Variants in NRG1 observed in about 807,000 individuals in gnomAD.
NRG1 encodes pro-neuregulin-1, membrane-bound isoform.
NRG1 carries 18 observed loss-of-function variants against 63.8 expected under a neutral mutation model. That is an observed-to-expected ratio of 0.28 (90% CI 0.19 to 0.42). The LOEUF (loss-of-function observed/expected upper bound fraction) is 0.42. NRG1 is among the 10% of genes least tolerant of loss of function. The pLI, the probability that NRG1 is intolerant of heterozygous loss-of-function variation, is 1.00. For synonymous variants in NRG1, 302 were observed against 301.3 expected, an observed-to-expected ratio of 1.00 and a Z score of -0.02; for missense variants, 762 against 814.7, an observed-to-expected ratio of 0.94 and a Z score of 0.79.
intron 1 of NRG1, among the ~76,000 whole-genome samples, chr8:32,099,006 G>A (rs1830226405): frequency 6.6e-6 from 1 of 152,162 alleles, no homozygotes; most frequent in Non-Finnish European, 1.5e-5. Flanking sequence ...CAGTGGCACA[G>A]GAGTAAAGAG....
intron 1 of NRG1, among the ~76,000 whole-genome samples, chr8:32,295,129 G>A (rs2129474432): frequency 6.6e-6 from 1 of 152,170 alleles, no homozygotes; most frequent in African/African-American, 2.4e-5. Context: ...TAATTATTTA[G>A]GGATAGTATA....
intron 1 of NRG1, among the ~76,000 whole-genome samples, chr8:32,094,372 C>T (rs1317951109): frequency 6.6e-6 from 1 of 152,186 alleles, no homozygotes; most frequent in Non-Finnish European, 1.5e-5. Context: ...CCAAATACCA[C>T]TTTTGCCCAG....
intron 1 of NRG1, among the ~76,000 whole-genome samples, chr8:31,682,361 A>G (rs1193723939): frequency 6.6e-6 from 1 of 152,116 alleles, no homozygotes; most frequent in Non-Finnish European, 1.5e-5. Flanking sequence ...CACCATTCCA[A>G]TCTGTAGAAT....
intron 1 of NRG1, among the ~76,000 whole-genome samples, chr8:31,867,931 A>G (rs1344149578): frequency 6.6e-6 from 1 of 152,066 alleles, no homozygotes. Flanking sequence ...AATTTGGCCA[A>G]CTGTATTGGA....
At chr8:32,048,813 G>A (rs1260525315) in intron 1 of NRG1, among the ~76,000 whole-genome samples, 2 of 151,784 alleles carry the variant, frequency 1.3e-5, no homozygotes, top group Non-Finnish European at 2.9e-5. Context: ...TTTTAATCGG[G>A]TTGTTTTGTT....
At chr8:31,824,359 AT>A (rs1824328254) in intron 1 of NRG1, among the ~76,000 whole-genome samples, 1 of 152,048 alleles carries the variant, frequency 6.6e-6, no homozygotes, top group African/African-American at 2.4e-5. Context: ...TGAACTCATC[AT>A]TTTTTATGGC....
chr8:32,331,660 A>C (rs1586868146), intron 1 of NRG1, among the ~76,000 whole-genome samples: 1 of 152,236 alleles, frequency 6.6e-6, no homozygotes, highest in African/African-American at 2.4e-5. Context: ...TTACATCACA[A>C]TGCAAATAAA....
intron 5 of NRG1, chr8:32,648,398 G>T (rs1288455404): frequency 6.2e-7 from 1 of 1,609,842 alleles, no homozygotes; most frequent in East Asian, 2.2e-5. Flanking sequence ...AGTAGAGAGA[G>T]AGAGAGAGAC....
intron 1 of NRG1, among the ~76,000 whole-genome samples, chr8:31,925,831 A>G (rs1834318159): frequency 6.6e-6 from 1 of 152,194 alleles, no homozygotes; most frequent in Admixed American, 6.5e-5. Flanking sequence ...TTTCACTGGT[A>G]AAATTATCTG....
At chr8:32,232,449 A>G (rs1847057276) in intron 1 of NRG1, among the ~76,000 whole-genome samples, 1 of 152,166 alleles carries the variant, frequency 6.6e-6, no homozygotes, top group African/African-American at 2.4e-5. Context: ...TCAATTCCTA[A>G]AAATTGGACC....
intron 1 of NRG1, among the ~76,000 whole-genome samples, chr8:31,999,050 T>A (rs1812494992): frequency 6.6e-6 from 1 of 151,892 alleles, no homozygotes; most frequent in Non-Finnish European, 1.5e-5. Context: ...TAGTTCTTTT[T>A]TTTTTCTTTT....
intron 6 of NRG1, among the ~76,000 whole-genome samples, chr8:32,738,261 G>A (rs1276723579): frequency 1.3e-5 from 2 of 151,984 alleles, no homozygotes; most frequent in East Asian, 1.9e-4. Flanking sequence ...GGGAGGTGGA[G>A]GACAGGGAAA....
chr8:31,847,511 A>T (rs934546826), intron 1 of NRG1, among the ~76,000 whole-genome samples: 3 of 151,950 alleles, frequency 2.0e-5, no homozygotes, highest in Non-Finnish European at 4.4e-5. Flanking sequence ...CAGCTAAAAA[A>T]CCCTACCTTT....
intron 1 of NRG1, among the ~76,000 whole-genome samples, chr8:32,060,335 TG>T (rs1341370112): frequency 2.0e-5 from 3 of 151,838 alleles, no homozygotes; most frequent in Non-Finnish European, 4.4e-5. Flanking sequence ...GTGAGAACTG[TG>T]GGAATAGAGG....
intron 1 of NRG1, among the ~76,000 whole-genome samples, chr8:32,504,625 C>T (rs1776043940): frequency 6.6e-6 from 1 of 151,744 alleles, no homozygotes; most frequent in South Asian, 2.1e-4. Context: ...AAGACAGAAA[C>T]AGATAGAGAT....
chr8:32,142,988 C>G (rs1454955283), intron 1 of NRG1, among the ~76,000 whole-genome samples: 2 of 152,166 alleles, frequency 1.3e-5, no homozygotes, highest in Non-Finnish European at 2.9e-5. Flanking sequence ...GTGAGGCAAA[C>G]CAAAGTCCTG....
chr8:32,701,573 A>G (rs765817783), intron 5 of NRG1, among the ~76,000 whole-genome samples: 1 of 152,200 alleles, frequency 6.6e-6, no homozygotes, highest in Non-Finnish European at 1.5e-5. Flanking sequence ...AAGGTTTCAT[A>G]TCTTACAAAC....
chr8:32,456,749 T>C (rs967312816), intron 1 of NRG1, among the ~76,000 whole-genome samples: 3 of 152,188 alleles, frequency 2.0e-5, no homozygotes, highest in African/African-American at 4.8e-5. Flanking sequence ...AAAAGGTATA[T>C]GCAGATTTTC....
chr8:32,455,998 G>A (rs1004224723), intron 1 of NRG1, among the ~76,000 whole-genome samples: 1 of 152,086 alleles, frequency 6.6e-6, no homozygotes, highest in Non-Finnish European at 1.5e-5. Context: ...TGGCCACGAT[G>A]GTCTGGAACT....
Sources: allele counts gnomAD v4.1 joint callset (sites outside exome capture counted in the v4.1 genomes callset), GRCh38; gene constraint gnomAD v4.1.1; transcripts MANE v1.5; gene names NCBI Gene and HGNC (gene_info 2026-07-23, HGNC 2026-07-21).